Variants in ST8SIA6 observed in about 807,000 individuals in gnomAD.
ST8SIA6 encodes the protein ST8 alpha-N-acetyl-neuraminide alpha-2,8-sialyltransferase 6.
Under a neutral mutation model 33.6 loss-of-function variants are expected in ST8SIA6, and 39 were observed. That is an observed-to-expected ratio of 1.16 (90% CI 0.90 to 1.52). ST8SIA6 has a LOEUF of 1.52. ST8SIA6 is among the 40% of genes most tolerant of loss of function. The pLI is 0.00. For missense variants in ST8SIA6, 441 were observed against 443.8 expected, an observed-to-expected ratio of 0.99 and a Z score of 0.06; for synonymous variants, 172 against 167.2, an observed-to-expected ratio of 1.03 and a Z score of -0.22.
At chr10:17,326,227 C>T (rs540264543) in intron 6 of ST8SIA6, among the ~76,000 whole-genome samples, 57 of 152,212 alleles carry the variant, frequency 3.7e-4, no homozygotes, top group African/African-American at 1.3e-3. Flanking sequence ...AGCATTAAAT[C>T]AAGAGGGATC....
chr10:17,438,793 C>A (rs541382094), intron 2 of ST8SIA6, among the ~76,000 whole-genome samples: 26 of 152,314 alleles, frequency 1.7e-4, no homozygotes, highest in Non-Finnish European at 3.1e-4. Flanking sequence ...GATTAAATTC[C>A]CATGTAAAAG....
chr10:17,446,798 C>G (rs887963840), intron 2 of ST8SIA6, among the ~76,000 whole-genome samples: 1 of 151,766 alleles, frequency 6.6e-6, no homozygotes, highest in Non-Finnish European at 1.5e-5. Flanking sequence ...AGCGGTGGCT[C>G]ATGCCTGTAA....
rs1005519017 is a variant in ST8SIA6 at position 17,315,449 on chromosome 10, T to C, written c.*5429A>G. Among the ~76,000 whole-genome samples, 1 of 152,028 alleles carries C rather than the reference T, an allele frequency of 6.6e-6. No individual in the cohort carries two copies. Among genetic ancestry groups the C allele is most frequent in the African/African-American group, 2.4e-5 (1 of 41,446 alleles). The stretch of plus-strand genomic sequence containing the variant: ...ATGTTCATGATACCTTTATTTGTAA[T>C]AGCCAAAACCAGGAGATAGTAAAAT... On this transcript the variant is annotated 3_prime_UTR_variant, in exon 8 of 8. Transcript: ENST00000377602.
chr10:17,328,072 T>G (rs939023842), intron 5 of ST8SIA6, among the ~76,000 whole-genome samples: 3 of 152,078 alleles, frequency 2.0e-5, no homozygotes, highest in African/African-American at 7.2e-5. Flanking sequence ...GGAAAAAAAT[T>G]AGAATGGCAA....
At chr10:17,431,466 G>A (rs1175371186) in intron 2 of ST8SIA6, among the ~76,000 whole-genome samples, 2 of 152,176 alleles carry the variant, frequency 1.3e-5, no homozygotes, top group African/African-American at 4.8e-5. Context: ...GGGGGGGAAA[G>A]GGTGTGACTG....
chr10:17,444,050 C>T (rs1367198933), intron 2 of ST8SIA6, among the ~76,000 whole-genome samples: 4 of 152,180 alleles, frequency 2.6e-5, no homozygotes, highest in African/African-American at 7.2e-5. Context: ...TTATTTCCAG[C>T]GTTAGCACCT....
chr10:17,357,681 A>C (rs567431256), intron 4 of ST8SIA6, among the ~76,000 whole-genome samples: 13 of 152,262 alleles, frequency 8.5e-5, no homozygotes, highest in African/African-American at 2.9e-4. Context: ...GACCTGCTCC[A>C]GTGTCCTCAC....
chr10:17,396,124 ATC>A (rs1235573593), intron 2 of ST8SIA6, among the ~76,000 whole-genome samples: 1 of 151,966 alleles, frequency 6.6e-6, no homozygotes, highest in Non-Finnish European at 1.5e-5. Flanking sequence ...GAAGATCACA[ATC>A]TCTGTTCACA....
chr10:17,384,280 C>T (rs1213745959), intron 3 of ST8SIA6, among the ~76,000 whole-genome samples: 1 of 152,072 alleles, frequency 6.6e-6, no homozygotes, highest in African/African-American at 2.4e-5. Context: ...TCACGAAACT[C>T]GTAAGTATTT....
chr10:17,446,409 G>A (rs1294488597), intron 2 of ST8SIA6, among the ~76,000 whole-genome samples: 2 of 152,176 alleles, frequency 1.3e-5, no homozygotes, highest in African/African-American at 4.8e-5. Context: ...ATAACAAATG[G>A]AAAGTGAGAT....
At chr10:17,431,364 G>A (rs1161875096) in intron 2 of ST8SIA6, among the ~76,000 whole-genome samples, 1 of 152,118 alleles carries the variant, frequency 6.6e-6, no homozygotes, top group Non-Finnish European at 1.5e-5. Context: ...TGTTTTAAAA[G>A]TATTTTAAGC....
At chr10:17,351,721 A>C (rs1849035863) in intron 4 of ST8SIA6, among the ~76,000 whole-genome samples, 4 of 152,032 alleles carry the variant, frequency 2.6e-5, no homozygotes, top group Non-Finnish European at 5.9e-5. Flanking sequence ...TACAGCCTTA[A>C]AAAATGAGGA....
chr10:17,340,072 C>T (rs1462565756), intron 4 of ST8SIA6, among the ~76,000 whole-genome samples: 8 of 152,228 alleles, frequency 5.3e-5, no homozygotes, highest in Non-Finnish European at 1.2e-4. Context: ...ATTGCCAGGG[C>T]TTGCACTGCA....
chr10:17,407,261 A>G (rs140440949), intron 2 of ST8SIA6, among the ~76,000 whole-genome samples: 29 of 152,302 alleles, frequency 1.9e-4, no homozygotes, highest in African/African-American at 6.0e-4. Flanking sequence ...ACAATTGCTT[A>G]AGTTGTCTTT....
Position 17,331,455 on chromosome 10 carries a change from T to G in ST8SIA6, c.475A>C (p.Lys159Gln), listed in dbSNP as rs200326045. 1.2e-6 allele frequency: 2 copies of G among 1,613,826 alleles called. No homozygotes were observed. The highest frequency in any genetic ancestry group is 1.7e-6 in the Non-Finnish European group (2 of 1,179,898). The part of the protein sequence containing the change: ...GTNMSYEVES[K>Q]KEIPIKKNIF... ...TTCTTCTTAATTGGGATTTCTTTTT[T>G]GCTTTCCACCTCGTAACTCATATTA... Residue 159 changes from lysine (K) to glutamine (Q), a missense_variant, in exon 5 of 8, where the codon AAA (lysine) becomes CAA (glutamine). Physicochemically the swap from Lys to Gln is moderately conservative, Grantham distance 53. Coordinates refer to ENST00000377602, the MANE Select transcript of ST8SIA6 (RefSeq NM_001004470.3).
chr10:17,363,570 G>A lies in ST8SIA6; in HGVS notation c.291-3970C>T, dbSNP rs1411166124. ...AGCCCTCTTTGTTGGCATGGCATGG[G>A]TGTGAGGATCCTCTCGTCCTTTCCT... On this transcript the variant is annotated intron_variant, in intron 3 of 7. Coordinates refer to ENST00000377602, the MANE Select transcript of ST8SIA6 (RefSeq NM_001004470.3). 2.0e-5 allele frequency among the ~76,000 whole-genome samples: 3 copies of A among 152,152 alleles called. No homozygotes were observed. The East Asian group carries it at 5.8e-4, about 29-fold the overall frequency.
chr10:17,351,068 C>T (rs750081357), intron 4 of ST8SIA6, among the ~76,000 whole-genome samples: 14 of 152,082 alleles, frequency 9.2e-5, no homozygotes, highest in Admixed American at 8.5e-4. Flanking sequence ...TGCCACTTTT[C>T]CCTTTCCCTG....
chr10:17,392,004 A>G (rs1286910839), intron 2 of ST8SIA6, among the ~76,000 whole-genome samples: 1 of 152,068 alleles, frequency 6.6e-6, no homozygotes, highest in Non-Finnish European at 1.5e-5. Context: ...TATATATGCA[A>G]CTCTAACTTG....
intron 3 of ST8SIA6, among the ~76,000 whole-genome samples, chr10:17,366,969 C>A (rs1849578158): frequency 6.6e-6 from 1 of 152,190 alleles, no homozygotes; most frequent in Non-Finnish European, 1.5e-5. Context: ...GATGGTAGAT[C>A]TGAATGATCA....
Sources: allele counts gnomAD v4.1 joint callset (sites outside exome capture counted in the v4.1 genomes callset), GRCh38; gene constraint gnomAD v4.1.1; transcripts MANE v1.5; gene names NCBI Gene and HGNC (gene_info 2026-07-23, HGNC 2026-07-21).